CDHR3: variants seen among roughly 807,000 people sequenced by gnomAD.
The protein encoded by CDHR3 is cadherin related family member 3, also known as cadherin-related family member 3.
CDHR3 carries 79 observed loss-of-function variants against 86.6 expected under a neutral mutation model. The ratio of observed to expected loss-of-function variants is 0.91; its 90% confidence interval spans 0.76 to 1.10. CDHR3 has a LOEUF of 1.10. Among genes scored for constraint, CDHR3 ranks in the 50% least tolerant of loss-of-function variants. The pLI is 0.00. For missense variants in CDHR3, 1,081 were observed against 1,077.6 expected (o/e 1.00, Z -0.04); for synonymous variants, 421 against 402.4 (o/e 1.05, Z -0.55).
intron 4 of CDHR3, among the ~76,000 whole-genome samples, chr7:105,993,615 G>A (rs1057365983): frequency 1.3e-5 from 2 of 149,094 alleles, no homozygotes; most frequent in South Asian, 4.2e-4. Context: ...GGCGGAGGCT[G>A]CAGTGAGCCA....
chr7:105,989,459 A>C (rs1234275571), intron 4 of CDHR3, among the ~76,000 whole-genome samples: 1 of 152,062 alleles, frequency 6.6e-6, no homozygotes, highest in Non-Finnish European at 1.5e-5. Flanking sequence ...GCTTTTGCAT[A>C]AAATGAAATG....
In CDHR3 at chr7:106,034,798, C is replaced by T. The variant is rs28605; in HGVS notation, c.*2101C>T. Among the ~76,000 whole-genome samples, 2,166 of 152,306 alleles carry T rather than the reference C, an allele frequency of 0.014. 26 individuals carry two copies. Among genetic ancestry groups the T allele is most frequent in the Non-Finnish European group, 0.023 (1,594 of 68,032 alleles). ...AGCCCATTAAGAATGATTAAAAGGGCCGGGTGAGGTGGCTCATGCCTGTAA... is the reference window on the plus strand; with the variant it reads ...AGCCCATTAAGAATGATTAAAAGGGTCGGGTGAGGTGGCTCATGCCTGTAA... On this transcript the variant is annotated 3_prime_UTR_variant, in exon 19 of 19. Transcript: ENST00000317716.
Position 106,015,930 on chromosome 7 carries a change from A to G in CDHR3, c.1331A>G (p.Asn444Ser). ...QDVAPPYYKN[N>S]VYVYILTSPE... ...GTGTTTCTATTTCCATTTTTAGATA[A>G]CGTCTACGTTTATATCCTAACAAGC... is the stretch of plus-strand genomic sequence containing the variant. The change falls in exon 11 of 19, where the codon AAC becomes AGC. Residue 444 changes from asparagine (N) to serine (S), a missense_variant. Physicochemically the swap from Asn to Ser is conservative, Grantham distance 46. Coordinates refer to ENST00000317716, the MANE Select transcript of CDHR3 (RefSeq NM_152750.5). The G allele has an allele frequency of 6.2e-7, 1 of 1,601,574 alleles. No homozygotes were observed. The highest frequency in any genetic ancestry group is 8.6e-7 in the Non-Finnish European group (1 of 1,169,432).
intron 8 of CDHR3, among the ~76,000 whole-genome samples, chr7:106,006,237 G>A (rs1368025876): frequency 5.3e-5 from 8 of 152,152 alleles, no homozygotes; most frequent in Admixed American, 2.0e-4. Flanking sequence ...ACAACATGTA[G>A]GAATTCAAGG....
At position 106,035,526 on chromosome 7, in the gene CDHR3, A is replaced by G. The variant is rs1199688766; in HGVS notation, c.*2829A>G. ...AGCAGAGAAAGAATGAGGCAACGAA[A>G]GAATGAAAGCAGGGATTTATTGAAA... is the stretch of plus-strand genomic sequence containing the variant. On this transcript the variant is annotated 3_prime_UTR_variant, in exon 19 of 19. Transcript: ENST00000317716. Among the ~76,000 whole-genome samples the G allele has an allele frequency of 6.6e-6, 1 of 152,246 alleles. No homozygotes were observed.
chr7:106,009,805 C>T (rs1834512799), intron 8 of CDHR3, among the ~76,000 whole-genome samples: 1 of 152,238 alleles, frequency 6.6e-6, no homozygotes. Context: ...TGTAAATTGT[C>T]AGGCGATTCA....
Position 106,001,518 on chromosome 7 carries a change from A to T in CDHR3, c.770A>T (p.Asn257Ile). 1 of 1,614,040 alleles carries T rather than the reference A, an allele frequency of 6.2e-7. No homozygotes were observed. The highest frequency in any genetic ancestry group is 8.5e-7 in the Non-Finnish European group (1 of 1,179,898). ...CTGAGTCCAGGAACCATCGTGGCCA[A>T]TATCACAGCGGAGGATCCTGATGAT... ...EELSPGTIVANITAEDPDDEG... is the reference protein window; with the variant it reads ...EELSPGTIVAIITAEDPDDEG... The change falls in exon 7 of 19, where the codon AAT becomes ATT. Residue 257 changes from asparagine to isoleucine, a missense_variant. Asn to Ile is a moderately radical substitution (Grantham distance 149, BLOSUM62 -3). Transcript: ENST00000317716.
chr7:106,017,643 T>G (rs1417137132), intron 11 of CDHR3, among the ~76,000 whole-genome samples: 1 of 151,164 alleles, frequency 6.6e-6, no homozygotes, highest in Non-Finnish European at 1.5e-5. Context: ...CTCACAGGAC[T>G]GCTTGGATCA....
At position 106,004,682 on chromosome 7, in the gene CDHR3, C is replaced by T. The variant is rs1833691723; in HGVS notation, c.1047C>T (p.Thr349=). The change falls in exon 8 of 19, where the codon ACC becomes ACT. Residue 349 remains threonine, a synonymous_variant. Coordinates refer to ENST00000317716, the MANE Select transcript of CDHR3 (RefSeq NM_152750.5). The part of the protein sequence containing the change: ...NDNPATCQKF[T]FSIMVPERTA... ...ATCCTGCCACATGCCAAAAGTTCAC[C>T]TTCAGGTATGCACACTTTGAAAGTT... The T allele has an allele frequency of 6.2e-7, 1 of 1,613,998 alleles. No individual in the cohort carries two copies. Among genetic ancestry groups the T allele is most frequent in the Non-Finnish European group, 8.5e-7 (1 of 1,179,884 alleles).
At position 105,984,177 on chromosome 7, in the gene CDHR3, T is replaced by G; in HGVS notation, c.416-15T>G. 6.7e-7 allele frequency: 1 copy of G among 1,500,592 alleles called. No homozygotes were observed. The highest frequency in any genetic ancestry group is 9.1e-7 in the Non-Finnish European group (1 of 1,104,486). 93.0% of individuals were successfully genotyped at this position (1,500,592 alleles called of 1,614,324 possible). A position where few individuals can be genotyped will look rare whatever the true frequency, so the allele number is the denominator to read the frequency against. ...TAATAAGATGTTTCTTATTCCACTT[T>G]GGACACTGGTCTAGGTCTACACCTC... is the stretch of plus-strand genomic sequence containing the variant. On this transcript the variant is annotated splice_polypyrimidine_tract_variant and intron_variant, in intron 3 of 18. Coordinates refer to ENST00000317716, the MANE Select transcript of CDHR3 (RefSeq NM_152750.5).
chr7:106,013,101 GC>G, intron 9 of CDHR3, 70 bp downstream of exon 9: 1 of 1,399,932 alleles, frequency 7.1e-7, no homozygotes. Flanking sequence ...TGCTTTTGCT[GC>G]CCCATAGAGA....
intron 1 of CDHR3, among the ~76,000 whole-genome samples, chr7:105,970,498 A>C (rs1827776858): frequency 6.6e-6 from 1 of 152,222 alleles, no homozygotes; most frequent in African/African-American, 2.4e-5. Context: ...TGCATGTGTA[A>C]GTCAAATTCC....
chr7:105,980,987 A>G lies in CDHR3; in HGVS notation c.269A>G (p.Glu90Gly). 1.2e-6 allele frequency: 2 copies of G among 1,608,770 alleles called. No individual in the cohort carries two copies. The highest frequency in any genetic ancestry group is 1.7e-5 in the Admixed American group (1 of 59,182). ...TTTTAGGTTGTCACCACTGGGATGG[A>G]ACAACTAGATTTTGAAACAGGACCA... ...TYFEVVTTGM[E>G]QLDFETGPNI... The change falls in exon 3 of 19, where the codon GAA (glutamate) becomes GGA (glycine). Residue 90 changes from glutamate to glycine, a missense_variant. Physicochemically the swap from Glu to Gly is moderately conservative, Grantham distance 98. Transcript: ENST00000317716.
At chr7:105,999,567 T>C (rs908745840) in intron 6 of CDHR3, among the ~76,000 whole-genome samples, 1 of 152,260 alleles carries the variant, frequency 6.6e-6, no homozygotes. Flanking sequence ...ATCAAACATG[T>C]TCAGACACCA....
Position 105,984,259 on chromosome 7 carries a change from A to G in CDHR3, c.483A>G (p.Pro161=). The G allele has an allele frequency of 6.2e-7, 1 of 1,610,496 alleles. No individual in the cohort carries two copies. The highest frequency in any genetic ancestry group is 2.2e-5 in the East Asian group (1 of 44,806). The part of the protein sequence containing the change: ...GFIYQVEAFD[P]EDTSRNIPLS... ...TTTACCAGGTTGAGGCCTTCGATCC[A>G]GAAGACACAAGCCGAAACATTCCCC... The change falls in exon 4 of 19, where the codon CCA becomes CCG. Residue 161 remains proline (P), a synonymous_variant. Coordinates refer to ENST00000317716, the MANE Select transcript of CDHR3 (RefSeq NM_152750.5).
chr7:106,024,305 A>G, intron 14 of CDHR3, 76 bp from the exon 15 acceptor site: 1 of 1,288,322 alleles, frequency 7.8e-7, no homozygotes, highest in Non-Finnish European at 1.1e-6. Context: ...TGGAATAAAC[A>G]CTCAACACGA....
chr7:105,969,255 C>G (rs1371466389), intron 1 of CDHR3, among the ~76,000 whole-genome samples: 2 of 150,488 alleles, frequency 1.3e-5, no homozygotes, highest in African/African-American at 2.4e-5. Flanking sequence ...AAAAATTAGC[C>G]GGGCGAGGTG....
At chr7:106,009,492 C>T (rs1325785832) in intron 8 of CDHR3, among the ~76,000 whole-genome samples, 2 of 152,270 alleles carry the variant, frequency 1.3e-5, no homozygotes, top group African/African-American at 4.8e-5. Context: ...CTGCCACAGT[C>T]TCTGACACTT....
intron 1 of CDHR3, among the ~76,000 whole-genome samples, chr7:105,968,028 C>T (rs889543329): frequency 3.9e-5 from 6 of 152,174 alleles, no homozygotes; most frequent in Non-Finnish European, 4.4e-5. Context: ...GAAGTCCTTG[C>T]CCATGCCTAT....
Sources: gnomAD v4.1 joint callset for allele counts (sites outside exome capture counted in the v4.1 genomes callset) on GRCh38, gnomAD v4.1.1 for gene constraint, MANE v1.5 for transcripts, NCBI Gene and HGNC (gene_info 2026-07-23, HGNC 2026-07-21) for gene names.